ANO4: variants seen among roughly 807,000 people sequenced by gnomAD.
The protein encoded by ANO4 is anoctamin-4.
ANO4 carries 69 observed loss-of-function variants against 141.9 expected under a neutral mutation model. That is an observed-to-expected ratio of 0.49 (90% CI 0.40 to 0.59). The LOEUF is 0.59. Ranked by LOEUF, ANO4 falls within the 20% of genes least tolerant of loss-of-function variation. ANO4 has a pLI of 0.00. For synonymous variants in ANO4, 350 were observed against 394.3 expected (o/e 0.89, Z 1.33); for missense variants, 894 against 1,162.2 (o/e 0.77, Z 3.36).
chr12:100,854,777 T>C (rs900734248), intron 1 of ANO4, among the ~76,000 whole-genome samples: 1 of 152,240 alleles, frequency 6.6e-6, no homozygotes, highest in Non-Finnish European at 1.5e-5. Flanking sequence ...TTTTATCTGC[T>C]TAATCTTCCT....
chr12:101,072,789 C>CT (rs1343159193), intron 14 of ANO4, among the ~76,000 whole-genome samples: 1 of 152,068 alleles, frequency 6.6e-6, no homozygotes, highest in African/African-American at 2.4e-5. Context: ...TGAATAGACA[C>CT]TCTCAAAAGA....
At chr12:100,863,803 A>G (rs1307962821) in intron 1 of ANO4, among the ~76,000 whole-genome samples, 1 of 152,174 alleles carries the variant, frequency 6.6e-6, no homozygotes, top group Non-Finnish European at 1.5e-5. Context: ...GTGACTCATG[A>G]TGGGTTTTAT....
chr12:100,976,604 C>A (rs2044206470), intron 7 of ANO4, among the ~76,000 whole-genome samples: 1 of 152,202 alleles, frequency 6.6e-6, no homozygotes, highest in Non-Finnish European at 1.5e-5. Flanking sequence ...AGTAGATCTG[C>A]AGTGGGGATG....
At position 100,974,847 on chromosome 12, in the gene ANO4, G is replaced by C. The variant is rs878855567; in HGVS notation, c.560G>C (p.Arg187Thr). The C allele has an allele frequency of 1.9e-6, 3 of 1,611,522 alleles. No individual in the cohort carries two copies. Among genetic ancestry groups the C allele is most frequent in the Non-Finnish European group, 2.5e-6 (3 of 1,179,726 alleles). Reference protein sequence around the residue: ...EQMNVRMPFRRKIYYLPRRYK... With the variant: ...EQMNVRMPFRTKIYYLPRRYK... ...CTTCATTTTTGCTGTTCTTCCAGGAGAAAAATCTATTACCTGCCCCGCCGT... is the reference window on the plus strand; with the variant it reads ...CTTCATTTTTGCTGTTCTTCCAGGACAAAAATCTATTACCTGCCCCGCCGT... The change falls in exon 7 of 28, where the codon AGA (arginine) becomes ACA (threonine). Residue 187 changes from arginine to threonine, a missense_variant and splice_region_variant. Arg to Thr is a moderately conservative substitution (Grantham distance 71, BLOSUM62 -1). Coordinates refer to ENST00000392977, the MANE Select transcript of ANO4 (RefSeq NM_001286615.2).
At chr12:100,792,878 T>TA (rs1179828052), upstream of ANO4, among the ~76,000 whole-genome samples, 1 of 152,236 alleles carries the variant, frequency 6.6e-6, no homozygotes, top group Non-Finnish European at 1.5e-5. Context: ...TTAATGCAGA[T>TA]AAAAACAAAC....
chr12:100,937,157 C>T (rs1306492046), intron 3 of ANO4, among the ~76,000 whole-genome samples: 1 of 152,102 alleles, frequency 6.6e-6, no homozygotes, highest in African/African-American at 2.4e-5. Flanking sequence ...TCTCAGATAT[C>T]GTTACATTGT....
At chr12:101,120,761 C>T (rs2051054211) in intron 26 of ANO4, 136 bp downstream of exon 26, 1 of 657,320 alleles carries the variant, frequency 1.5e-6, no homozygotes, top group African/African-American at 1.8e-5. Context: ...ATTATGTAAC[C>T]TCTTTTTGAT....
At chr12:100,848,912 G>A (rs971419314) in intron 1 of ANO4, among the ~76,000 whole-genome samples, 3 of 152,044 alleles carry the variant, frequency 2.0e-5, no homozygotes, top group African/African-American at 7.3e-5. Context: ...GTATTGATTT[G>A]TCCTGCACAT....
At chr12:100,992,911 G>T (rs1289053306) in intron 8 of ANO4, among the ~76,000 whole-genome samples, 3 of 152,132 alleles carry the variant, frequency 2.0e-5, no homozygotes, top group African/African-American at 7.2e-5. Flanking sequence ...ACAAATACCT[G>T]CCAGCCACAG....
rs925950955 is a variant in ANO4, at chr12:100,823,228, CT to C, written c.-141+28210del. Among the ~76,000 whole-genome samples, 149 of 151,334 alleles carry C rather than the reference CT, an allele frequency of 9.8e-4. 1 individual carries two copies. Among genetic ancestry groups the C allele is most frequent in the African/African-American group, 3.1e-3 (127 of 41,302 alleles). On this transcript the variant is annotated intron_variant, in intron 1 of 27. Transcript: ENST00000392977. ...TTATGAGGAAATGGAAGCCAAATGA[CT>C]TTTTTTTTATAGTTTAAAATTCATT...
chr12:100,945,907 A>G (rs11110592), intron 5 of ANO4, among the ~76,000 whole-genome samples: 172 of 151,826 alleles, frequency 1.1e-3, no homozygotes, highest in Non-Finnish European at 1.6e-3. Flanking sequence ...GCAGCAACAA[A>G]TAAAACAGAA....
At chr12:100,899,393 G>A (rs1477622570) in intron 1 of ANO4, among the ~76,000 whole-genome samples, 1 of 152,202 alleles carries the variant, frequency 6.6e-6, no homozygotes, top group African/African-American at 2.4e-5. Flanking sequence ...TGTACTGGAA[G>A]CCCAATCCTA....
At chr12:100,854,807 T>A (rs2038076407) in intron 1 of ANO4, among the ~76,000 whole-genome samples, 1 of 152,182 alleles carries the variant, frequency 6.6e-6, no homozygotes, top group Non-Finnish European at 1.5e-5. Flanking sequence ...CCATTTCCTT[T>A]TGTGTTTCAT....
chr12:100,979,895 CTTTTT>C (rs71091474), intron 7 of ANO4, among the ~76,000 whole-genome samples: 7 of 119,420 alleles, frequency 5.9e-5, no homozygotes, highest in African/African-American at 1.3e-4. Context: ...GCCCAGCTGA[CTTTTT>C]TTTTTTTTTT....
intron 5 of ANO4, among the ~76,000 whole-genome samples, chr12:100,955,981 C>T (rs1228542774): frequency 6.6e-6 from 1 of 152,208 alleles, no homozygotes; most frequent in East Asian, 1.9e-4. Flanking sequence ...GTGCCTGGCT[C>T]ATCATGTCAT....
chr12:101,047,915 C>G, intron 13 of ANO4: 1 of 747,424 alleles, frequency 1.3e-6, no homozygotes, highest in Non-Finnish European at 1.6e-6. Context: ...AACAAAATAG[C>G]CATGTTTTCA....
At chr12:100,812,794 A>G (rs528401940) in intron 1 of ANO4, among the ~76,000 whole-genome samples, 2 of 152,226 alleles carry the variant, frequency 1.3e-5, no homozygotes, top group African/African-American at 2.4e-5. Flanking sequence ...GTGTTTCGTT[A>G]TGAAAATCAT....
intron 8 of ANO4, among the ~76,000 whole-genome samples, chr12:100,988,687 A>G (rs1172555641): frequency 6.6e-6 from 1 of 151,950 alleles, no homozygotes; most frequent in East Asian, 1.9e-4. Context: ...CCTGACCAAC[A>G]TGGTGAAACC....
intron 1 of ANO4, among the ~76,000 whole-genome samples, chr12:100,826,975 T>C (rs574445548): frequency 6.3e-4 from 96 of 152,150 alleles, no homozygotes; most frequent in Non-Finnish European, 1.2e-3. Flanking sequence ...TCTCTCCCTG[T>C]AATGGACTTC....
Sources: gnomAD v4.1 joint callset for allele counts (sites outside exome capture counted in the v4.1 genomes callset) on GRCh38, gnomAD v4.1.1 for gene constraint, MANE v1.5 for transcripts, NCBI Gene and HGNC (gene_info 2026-07-23, HGNC 2026-07-21) for gene names.